Variants in ERBB4 observed in about 807,000 individuals in gnomAD.
The protein encoded by ERBB4 is receptor tyrosine-protein kinase erbB-4.
In ERBB4, 42 loss-of-function variants were observed where a neutral mutation model predicts 158.0. The observed-to-expected ratio is 0.27, with a 90% CI of 0.21 to 0.34. The LOEUF (loss-of-function observed/expected upper bound fraction) is 0.34, where lower values mean the gene tolerates loss of function less well. Among genes scored for constraint, ERBB4 ranks in the 10% least tolerant of loss-of-function variants. The pLI is 1.00. For synonymous variants in ERBB4, 583 were observed against 558.7 expected, an observed-to-expected ratio of 1.04 and a Z score of -0.61; for missense variants, 1,333 against 1,624.1, an observed-to-expected ratio of 0.82 and a Z score of 3.08.
intron 1 of ERBB4, among the ~76,000 whole-genome samples, chr2:212,414,716 T>G (rs2091603322): frequency 6.6e-6 from 1 of 152,226 alleles, no homozygotes; most frequent in South Asian, 2.1e-4. Flanking sequence ...TTCCTAGCTT[T>G]CTTTCTGTTT....
intron 1 of ERBB4, among the ~76,000 whole-genome samples, chr2:212,217,248 G>A (rs952910768): frequency 1.3e-5 from 2 of 151,156 alleles, no homozygotes; most frequent in Non-Finnish European, 3.0e-5. Context: ...GCAATAAAAG[G>A]GTCTTCTGTG....
chr2:211,955,849 T>C (rs1369979439), intron 2 of ERBB4, among the ~76,000 whole-genome samples: 1 of 152,310 alleles, frequency 6.6e-6, no homozygotes, highest in East Asian at 1.9e-4. Context: ...GCCCAATTCA[T>C]GAACATTCTT....
intron 2 of ERBB4, among the ~76,000 whole-genome samples, chr2:212,035,103 A>T (rs112492488): frequency 0.019 from 2,834 of 152,314 alleles, 45 homozygotes; most frequent in Middle Eastern, 0.034. Context: ...AATCAATGCA[A>T]TTCTCCTCTT....
intron 1 of ERBB4, among the ~76,000 whole-genome samples, chr2:212,222,438 G>C (rs1181885288): frequency 6.6e-6 from 1 of 151,516 alleles, no homozygotes; most frequent in Non-Finnish European, 1.5e-5. Context: ...ACTCACTCCA[G>C]TCTGGTATTA....
intron 1 of ERBB4, among the ~76,000 whole-genome samples, chr2:212,157,693 T>G (rs908736877): frequency 6.6e-6 from 1 of 152,108 alleles, no homozygotes; most frequent in African/African-American, 2.4e-5. Context: ...AGTTTATCAA[T>G]TGATAAGTCT....
At chr2:212,381,788 T>C (rs1252885187) in intron 1 of ERBB4, among the ~76,000 whole-genome samples, 7 of 151,394 alleles carry the variant, frequency 4.6e-5, no homozygotes, top group African/African-American at 7.2e-5. Flanking sequence ...GATAACCAAG[T>C]CTTGAAAAAG....
chr2:212,065,532 ATTACT>A (rs974017898), intron 2 of ERBB4, among the ~76,000 whole-genome samples: 1 of 152,078 alleles, frequency 6.6e-6, no homozygotes, highest in Non-Finnish European at 1.5e-5. Context: ...TAATATCCAG[ATTACT>A]TTACTTTTCA....
At chr2:212,124,997 C>T in intron 1 of ERBB4, 94 bp from the exon 2 acceptor site, 1 of 1,405,246 alleles carries the variant, frequency 7.1e-7, no homozygotes, top group Non-Finnish European at 1.0e-6. Context: ...TTCCACAAGC[C>T]TATCCCAGTT....
At chr2:212,462,369 A>G (rs1688620437) in intron 1 of ERBB4, among the ~76,000 whole-genome samples, 1 of 152,244 alleles carries the variant, frequency 6.6e-6, no homozygotes, top group South Asian at 2.1e-4. Flanking sequence ...TCAGGGACTA[A>G]TATGCAGAAT....
intron 2 of ERBB4, among the ~76,000 whole-genome samples, chr2:211,952,205 C>T (rs1448978509): frequency 6.6e-6 from 1 of 151,976 alleles, no homozygotes. Flanking sequence ...CTCAGGTATT[C>T]CTATAGTCTT....
chr2:211,648,434 A>G (rs1348707699), intron 16 of ERBB4, among the ~76,000 whole-genome samples: 1 of 151,776 alleles, frequency 6.6e-6, no homozygotes, highest in African/African-American at 2.4e-5. Flanking sequence ...ATTTTATGAT[A>G]TTAGGAATTA....
chr2:212,399,359 T>TA (rs2091124182), intron 1 of ERBB4, among the ~76,000 whole-genome samples: 1 of 151,842 alleles, frequency 6.6e-6, no homozygotes, highest in Non-Finnish European at 1.5e-5. Context: ...TAAAATGGTT[T>TA]AATTATTATT....
At chr2:212,271,403 G>A (rs1436760769) in intron 1 of ERBB4, among the ~76,000 whole-genome samples, 4 of 151,626 alleles carry the variant, frequency 2.6e-5, no homozygotes, top group Non-Finnish European at 5.9e-5. Context: ...CATGTGTATA[G>A]TACTTTTATC....
At chr2:212,038,730 TG>T (rs1326406224) in intron 2 of ERBB4, among the ~76,000 whole-genome samples, 1 of 152,142 alleles carries the variant, frequency 6.6e-6, no homozygotes, top group Non-Finnish European at 1.5e-5. Context: ...GTTGTATATA[TG>T]GATAATATTG....
chr2:211,541,686 T>C (rs1256549692), intron 20 of ERBB4, among the ~76,000 whole-genome samples: 1 of 152,052 alleles, frequency 6.6e-6, no homozygotes, highest in Non-Finnish European at 1.5e-5. Flanking sequence ...CAATTTCCAC[T>C]CATGGGTATT....
At chr2:211,461,421 G>C (rs1055906801) in intron 20 of ERBB4, among the ~76,000 whole-genome samples, 3 of 152,146 alleles carry the variant, frequency 2.0e-5, no homozygotes, top group Non-Finnish European at 1.5e-5. Flanking sequence ...TCCTTTCTAA[G>C]AAGTAGAGAT....
chr2:211,466,716 C>CT (rs773298575), intron 20 of ERBB4, among the ~76,000 whole-genome samples: 3 of 151,866 alleles, frequency 2.0e-5, no homozygotes, highest in Admixed American at 6.6e-5. Context: ...GTTTACAGAC[C>CT]TTTTTTAAAA....
intron 2 of ERBB4, among the ~76,000 whole-genome samples, chr2:212,049,444 T>G (rs1417221957): frequency 6.6e-6 from 1 of 152,138 alleles, no homozygotes; most frequent in African/African-American, 2.4e-5. Context: ...CAATTATATA[T>G]CGGTATGCTC....
At chr2:211,523,491 G>C (rs1490052439) in intron 20 of ERBB4, among the ~76,000 whole-genome samples, 4 of 151,624 alleles carry the variant, frequency 2.6e-5, no homozygotes, top group African/African-American at 9.7e-5. Context: ...GGCACGTCTG[G>C]AGTTTGTTCC....
Sources: gnomAD v4.1 joint callset for allele counts (sites outside exome capture counted in the v4.1 genomes callset) on GRCh38, gnomAD v4.1.1 for gene constraint, MANE v1.5 for transcripts, NCBI Gene and HGNC (gene_info 2026-07-23, HGNC 2026-07-21) for gene names.